The following RANBP9 variants were observed in gnomAD, a reference collection of about 807,000 sequenced individuals.
RANBP9 encodes ran-binding protein 9.
In RANBP9, 15 loss-of-function variants were observed where a neutral mutation model predicts 84.3. The ratio of observed to expected loss-of-function variants is 0.18; its 90% CI spans 0.12 to 0.27. The LOEUF (loss-of-function observed/expected upper bound fraction) is 0.27, where lower values mean the gene tolerates loss of function less well. Among genes scored for constraint, RANBP9 ranks in the 10% least tolerant of loss-of-function variants. The probability of loss-of-function intolerance (pLI) is 1.00; values close to 1 mark genes in which losing one functional copy is unlikely to be tolerated. For missense variants in RANBP9, 809 were observed against 912.8 expected (o/e 0.89, Z 1.46); for synonymous variants, 392 against 349.6 (o/e 1.12, Z -1.35).
chr6:13,711,109 A>T lies in RANBP9; in HGVS notation c.397T>A (p.Phe133Ile). The T allele has an allele frequency of 3.2e-6, 5 of 1,557,784 alleles. No homozygotes were observed. The highest frequency in any genetic ancestry group is 4.3e-6 in the Non-Finnish European group (5 of 1,152,106). The change falls in exon 1 of 14, where the codon TTC (phenylalanine) becomes ATC (isoleucine). Residue 133 changes from phenylalanine (F) to isoleucine (I), a missense_variant. Transcript: ENST00000011619. The part of the protein sequence containing the change: ...LVAGSSAAAP[F>I]PHGDSALNEQ... ...TTCAGGGCCGAGTCCCCGTGAGGGA[A>T]GGGGGCCGCGGCGCTGCTGCCCGCC...
At chr6:13,674,915 G>C (rs530709364) in intron 2 of RANBP9, among the ~76,000 whole-genome samples, 79 of 151,276 alleles carry the variant, frequency 5.2e-4, no homozygotes, top group African/African-American at 1.8e-3. Context: ...GTCTCAAGTA[G>C]TAACAGTAAT....
chr6:13,669,668 G>A (rs1765729266), intron 2 of RANBP9, among the ~76,000 whole-genome samples: 1 of 152,174 alleles, frequency 6.6e-6, no homozygotes, highest in African/African-American at 2.4e-5. Context: ...ACAGCTTACT[G>A]CAGCCTTTTT....
intron 7 of RANBP9, 135 bp from the exon 8 acceptor site, chr6:13,641,442 CAT>C (rs1277775644): frequency 3.4e-6 from 2 of 586,260 alleles, no homozygotes; most frequent in East Asian, 6.6e-5. Context: ...TCTCTAACAT[CAT>C]AGTTTCCATT....
At position 13,676,202 on chromosome 6, in the gene RANBP9, C is replaced by T. The variant is rs577761487; in HGVS notation, c.684-17370G>A. On this transcript the variant is annotated intron_variant, in intron 2 of 13. Transcript: ENST00000011619. ...TCAGAATATATCCAATAAGGGTGTA[C>T]GATATATTGTGTTCAAAAGTTATCT... 1.3e-4 allele frequency among the ~76,000 whole-genome samples: 20 copies of T among 151,698 alleles called. 1 individual carries two copies. Among genetic ancestry groups the T allele is most frequent in the South Asian group, 6.2e-4 (3 of 4,808 alleles).
chr6:13,700,776 A>G (rs1445591547), intron 1 of RANBP9, among the ~76,000 whole-genome samples: 1 of 152,170 alleles, frequency 6.6e-6, no homozygotes, highest in African/African-American at 2.4e-5. Flanking sequence ...AGACCAAGCC[A>G]CCTGTAATAT....
chr6:13,686,522 T>C (rs1003154754), intron 2 of RANBP9, among the ~76,000 whole-genome samples: 4 of 151,728 alleles, frequency 2.6e-5, no homozygotes, highest in Non-Finnish European at 4.4e-5. Context: ...TGACCTCAGG[T>C]GATCCACCCA....
chr6:13,647,077 G>A (rs1379048774), intron 5 of RANBP9, among the ~76,000 whole-genome samples: 1 of 152,092 alleles, frequency 6.6e-6, no homozygotes, highest in Admixed American at 6.5e-5. Context: ...ACTGTACACA[G>A]AAATGTAAAC....
At chr6:13,662,147 C>T (rs982888795) in intron 2 of RANBP9, among the ~76,000 whole-genome samples, 1 of 152,002 alleles carries the variant, frequency 6.6e-6, no homozygotes, top group Non-Finnish European at 1.5e-5. Context: ...CAGAAAATGA[C>T]AAAATATATC....
At chr6:13,695,395 C>T (rs1480452457) in intron 2 of RANBP9, among the ~76,000 whole-genome samples, 1 of 137,816 alleles carries the variant, frequency 7.3e-6, no homozygotes, top group Non-Finnish European at 1.5e-5. Flanking sequence ...AAACCACCAA[C>T]CAAATGTTTT....
At chr6:13,647,443 T>C (rs991223672) in intron 5 of RANBP9, among the ~76,000 whole-genome samples, 1 of 152,068 alleles carries the variant, frequency 6.6e-6, no homozygotes, top group African/African-American at 2.4e-5. Flanking sequence ...GTTAATAAGA[T>C]AACATAAAGC....
chr6:13,624,404 T>C (rs1764542847), intron 13 of RANBP9, among the ~76,000 whole-genome samples: 1 of 152,158 alleles, frequency 6.6e-6, no homozygotes, highest in Non-Finnish European at 1.5e-5. Context: ...AATATGTGAC[T>C]AAAAGTCCCT....
chr6:13,657,091 A>C lies in RANBP9; in HGVS notation c.904+18T>G. 1 of 1,572,314 alleles carries C rather than the reference A, an allele frequency of 6.4e-7. No individual in the cohort carries two copies. Among genetic ancestry groups the C allele is most frequent in the African/African-American group, 1.4e-5 (1 of 73,788 alleles). ...CTCCATATTTGGTTATTTTGCATGC[A>C]ATATATTATCTCAGTACCTAAACTA... On this transcript the variant is annotated intron_variant, in intron 4 of 13. Transcript: ENST00000011619.
chr6:13,652,266 C>T (rs184859440), intron 5 of RANBP9, among the ~76,000 whole-genome samples: 134 of 152,310 alleles, frequency 8.8e-4, no homozygotes, highest in Admixed American at 1.8e-3. Context: ...ACCTTTACTA[C>T]CTGTTGAATA....
chr6:13,692,447 A>G (rs1426709929), intron 2 of RANBP9, among the ~76,000 whole-genome samples: 1 of 148,288 alleles, frequency 6.7e-6, no homozygotes, highest in African/African-American at 2.5e-5. Context: ...GAATCACTTG[A>G]ACCTGGGAGG....
intron 6 of RANBP9, among the ~76,000 whole-genome samples, chr6:13,644,185 C>T (rs1765128487): frequency 6.6e-6 from 1 of 152,156 alleles, no homozygotes. Context: ...TATCTCTCAA[C>T]TTTATCTTTT....
intron 2 of RANBP9, among the ~76,000 whole-genome samples, chr6:13,685,514 C>T (rs1562317968): frequency 6.6e-6 from 1 of 152,088 alleles, no homozygotes; most frequent in East Asian, 1.9e-4. Flanking sequence ...TTACAGTGAG[C>T]TATGGTTACA....
chr6:13,681,026 T>TA (rs1766022877), intron 2 of RANBP9, among the ~76,000 whole-genome samples: 2 of 152,166 alleles, frequency 1.3e-5, no homozygotes, highest in South Asian at 4.1e-4. Context: ...CAGTATAGTG[T>TA]ATGCAAATGT....
intron 2 of RANBP9, among the ~76,000 whole-genome samples, chr6:13,670,901 A>G (rs1035667681): frequency 1.3e-5 from 2 of 152,134 alleles, no homozygotes; most frequent in African/African-American, 4.8e-5. Context: ...GACAATTCAC[A>G]GAATGGCAGA....
intron 1 of RANBP9, among the ~76,000 whole-genome samples, chr6:13,707,153 G>A (rs752692143): frequency 1.4e-4 from 22 of 151,982 alleles, no homozygotes; most frequent in Non-Finnish European, 8.8e-5. Context: ...CCTCCTAAGT[G>A]GCTGGGATTT....
Sources: allele counts gnomAD v4.1 joint callset (sites outside exome capture counted in the v4.1 genomes callset), GRCh38; gene constraint gnomAD v4.1.1; transcripts MANE v1.5; gene names NCBI Gene and HGNC (gene_info 2026-07-23, HGNC 2026-07-21).